The following BFSP2 variants were observed in gnomAD, a reference collection of about 807,000 sequenced individuals.
The protein encoded by BFSP2 is phakinin.
Under a neutral mutation model 44.9 loss-of-function variants are expected in BFSP2, and 38 were observed. That is an observed-to-expected ratio of 0.85 (90% CI 0.65 to 1.11). The LOEUF is 1.11. Among genes scored for constraint, BFSP2 ranks in the 50% least tolerant of loss-of-function variants. The pLI is 0.00. For synonymous variants in BFSP2, 197 were observed against 209.9 expected, an observed-to-expected ratio of 0.94 and a Z score of 0.53; for missense variants, 525 against 533.0, an observed-to-expected ratio of 0.99 and a Z score of 0.15.
intron 1 of BFSP2, among the ~76,000 whole-genome samples, chr3:133,429,927 C>T (rs1559966083): frequency 6.6e-6 from 1 of 150,954 alleles, no homozygotes; most frequent in Non-Finnish European, 1.5e-5. Flanking sequence ...CACAACAGTC[C>T]CCGGTGCGTG....
chr3:133,432,769 A>G (rs1459100348), intron 1 of BFSP2, among the ~76,000 whole-genome samples: 2 of 152,040 alleles, frequency 1.3e-5, no homozygotes, highest in African/African-American at 4.8e-5. Flanking sequence ...TGTCCGACTA[A>G]TCTCTCAAAC....
chr3:133,420,254 A>C (rs2073580599), intron 1 of BFSP2, among the ~76,000 whole-genome samples: 2 of 152,176 alleles, frequency 1.3e-5, no homozygotes, highest in African/African-American at 4.8e-5. Flanking sequence ...TGTTGGGGAA[A>C]GGTTTAAGAA....
Position 133,464,110 on chromosome 3 carries a change from C to A in BFSP2, c.892-2718C>A, listed in dbSNP as rs868381907. 4.7e-4 allele frequency among the ~76,000 whole-genome samples: 72 copies of A among 152,290 alleles called. 1 individual carries two copies. Among genetic ancestry groups the A allele is most frequent in the Middle Eastern group, 3.4e-3 (1 of 294 alleles). On this transcript the variant is annotated intron_variant, in intron 4 of 6. Coordinates refer to ENST00000302334, the MANE Select transcript of BFSP2 (RefSeq NM_003571.4). ...ACCTCCTGCCTCCTACCTACCTACA[C>A]AGCCCATCTGGCCAGGAACCCAACC... is the stretch of plus-strand genomic sequence containing the variant.
chr3:133,431,139 C>T lies in BFSP2; in HGVS notation c.490-16178C>T, dbSNP rs868298054. On this transcript the variant is annotated intron_variant, in intron 1 of 6. Transcript: ENST00000302334. The stretch of plus-strand genomic sequence containing the variant: ...CCTAGACCCTAAAAGGTCAAAAGGC[C>T]GTCTTATTCTCAATATACATTTTAT... Among the ~76,000 whole-genome samples, 106 of 152,242 alleles carry T rather than the reference C, an allele frequency of 7.0e-4. 1 individual carries two copies. The highest frequency in any genetic ancestry group is 1.2e-3 in the South Asian group (6 of 4,826).
chr3:133,413,301 G>A (rs536600013), intron 1 of BFSP2, among the ~76,000 whole-genome samples: 2 of 152,158 alleles, frequency 1.3e-5, no homozygotes, highest in South Asian at 4.2e-4. Context: ...TTCTACTGAC[G>A]TGTCCCGGTG....
chr3:133,415,342 C>CCT, intron 1 of BFSP2, among the ~76,000 whole-genome samples: 2 of 103,696 alleles, frequency 1.9e-5, no homozygotes, highest in Non-Finnish European at 3.8e-5. Context: ...TCACCCGTGT[C>CCT]CTCTCCCCTC....
intron 1 of BFSP2, among the ~76,000 whole-genome samples, chr3:133,415,371 A>C (rs1159213410): frequency 0.013 from 100 of 7,588 alleles, no homozygotes; most frequent in East Asian, 0.027. Context: ...CCTCTACTCA[A>C]CCCTGCCCTC....
chr3:133,400,544 G>A lies in BFSP2; in HGVS notation c.461G>A (p.Arg154Gln), dbSNP rs756099408. The change falls in exon 1 of 7, where the codon CGG becomes CAG. Residue 154 changes from arginine (R) to glutamine (Q), a missense_variant. Physicochemically the swap from Arg to Gln is conservative, Grantham distance 43. Coordinates refer to ENST00000302334, the MANE Select transcript of BFSP2 (RefSeq NM_003571.4). This position sits in a 1 kb window ranked among gnomAD's most constrained non-coding sequence, Gnocchi z 4.0. ...CGCTCGGGAAACTGGGGTGCCCTACGGGCTTCCTGGGCCAGCAGCTGCCAG... is the reference window on the plus strand; with the variant it reads ...CGCTCGGGAAACTGGGGTGCCCTACAGGCTTCCTGGGCCAGCAGCTGCCAG... Reference protein sequence around the residue: ...ATRSGNWGALRASWASSCQQV... With the variant: ...ATRSGNWGALQASWASSCQQV... The A allele has an allele frequency of 5.0e-6, 8 of 1,610,420 alleles. No homozygotes were observed. The Admixed American group carries it at 5.1e-5, about 10-fold the overall frequency.
intron 4 of BFSP2, 148 bp from the exon 5 acceptor site, chr3:133,466,680 A>AAAAAAAAAG (rs2074113300): frequency 6.4e-6 from 3 of 467,764 alleles, no homozygotes; most frequent in Non-Finnish European, 1.1e-5. Context: ...ATCTCAACAA[A>AAAAAAAAAG]AAAAAAAAAA....
intron 1 of BFSP2, among the ~76,000 whole-genome samples, chr3:133,445,982 A>T (rs2073892743): frequency 6.6e-6 from 1 of 152,194 alleles, no homozygotes; most frequent in Non-Finnish European, 1.5e-5. Flanking sequence ...CAAGTTCTTT[A>T]TCAACCAGAA....
intron 1 of BFSP2, among the ~76,000 whole-genome samples, chr3:133,433,349 A>T (rs1312534953): frequency 6.6e-6 from 1 of 152,192 alleles, no homozygotes; most frequent in African/African-American, 2.4e-5. Flanking sequence ...CCTGCCTCTT[A>T]AGAACCTCTC....
Position 133,448,661 on chromosome 3 carries a change from G to T in BFSP2, c.729+16G>T. ...CTATGAAGAGGTAGGAGGGGGCTGG[G>T]GTTGCTGGGTTGGCCACAAGACCAG... On this transcript the variant is annotated intron_variant, in intron 3 of 6. Transcript: ENST00000302334. 6.2e-7 allele frequency: 1 copy of T among 1,612,568 alleles called. No homozygotes were observed. The highest frequency in any genetic ancestry group is 8.5e-7 in the Non-Finnish European group (1 of 1,179,684).
intron 1 of BFSP2, among the ~76,000 whole-genome samples, chr3:133,423,825 C>A (rs996782799): frequency 6.6e-6 from 1 of 152,078 alleles, no homozygotes; most frequent in Non-Finnish European, 1.5e-5. Flanking sequence ...TTGTGTCAAG[C>A]CCTGGACTCC....
At chr3:133,406,803 GAA>G (rs1434939874) in intron 1 of BFSP2, among the ~76,000 whole-genome samples, 2 of 152,164 alleles carry the variant, frequency 1.3e-5, no homozygotes, top group African/African-American at 4.8e-5. Flanking sequence ...GAATTGGAAA[GAA>G]AGAGGGAAAA....
chr3:133,417,893 T>C (rs1405509519), intron 1 of BFSP2, among the ~76,000 whole-genome samples: 10 of 122,840 alleles, frequency 8.1e-5, no homozygotes, highest in South Asian at 3.2e-4. Context: ...CTCACCTCTG[T>C]CCTCTCCCCT....
rs1199740067 is a variant in BFSP2, at chr3:133,437,600, GAAGAAAGAAAA to G, written c.490-9707_490-9697del. ...AAGGAAAGAAGGAAGGAAGGAAGGA[GAAGAAAGAAAA>G]AAGAAAGAAGAAAGAGAAAAAGAAA... is the stretch of plus-strand genomic sequence containing the variant. On this transcript the variant is annotated intron_variant, in intron 1 of 6. Coordinates refer to ENST00000302334, the MANE Select transcript of BFSP2 (RefSeq NM_003571.4). Among the ~76,000 whole-genome samples, 7 of 141,820 alleles carry G rather than the reference GAAGAAAGAAAA, an allele frequency of 4.9e-5. No individual in the cohort carries two copies. The East Asian group carries it at 8.1e-4, about 16-fold the overall frequency. The allele number at this position is 141,820 out of a possible 152,430, so 93.0% of individuals were successfully genotyped here. A position where few individuals can be genotyped will look rare whatever the true frequency, so the allele number is the denominator to read the frequency against.
chr3:133,456,756 T>C (rs975481888), intron 4 of BFSP2, among the ~76,000 whole-genome samples: 4 of 152,090 alleles, frequency 2.6e-5, no homozygotes, highest in African/African-American at 9.7e-5. Flanking sequence ...GTCTCAAAAA[T>C]AAATAAATAA....
chr3:133,410,305 A>G, intron 1 of BFSP2: 1 of 381,186 alleles, frequency 2.6e-6, no homozygotes, highest in Non-Finnish European at 5.2e-6. Flanking sequence ...TAGCCAGTAG[A>G]CCGGTGCAGG....
intron 1 of BFSP2, among the ~76,000 whole-genome samples, chr3:133,417,328 C>T (rs1292246391): frequency 2.9e-5 from 4 of 135,966 alleles, no homozygotes; most frequent in Non-Finnish European, 6.4e-5. Flanking sequence ...TCGGCCCTGC[C>T]ATCTCCCCTC....
Sources: allele counts gnomAD v4.1 joint callset (sites outside exome capture counted in the v4.1 genomes callset), GRCh38; gene constraint gnomAD v4.1.1; non-coding constraint Gnocchi (gnomAD v3.1); transcripts MANE v1.5; gene names NCBI Gene and HGNC (gene_info 2026-07-23, HGNC 2026-07-21).